DDB2: variants seen among roughly 807,000 people sequenced by gnomAD.
DDB2 encodes the protein DNA damage-binding protein 2.
A neutral mutation model predicts 50.5 loss-of-function variants in DDB2; 27 were observed. The ratio of observed to expected loss-of-function variants is 0.53; its 90% CI spans 0.39 to 0.74. DDB2 has a LOEUF of 0.74. Ranked by LOEUF, DDB2 falls within the 30% of genes least tolerant of loss-of-function variation. The pLI, the probability that DDB2 is intolerant of heterozygous loss-of-function variation, is 0.00. For synonymous variants in DDB2, 176 were observed against 205.5 expected, an observed-to-expected ratio of 0.86 and a Z score of 1.23; for missense variants, 424 against 545.6, an observed-to-expected ratio of 0.78 and a Z score of 2.22.
At chr11:47,229,006 T>TATCTATCTATCTATCC (rs1439885025) in intron 3 of DDB2, among the ~76,000 whole-genome samples, 1 of 150,198 alleles carries the variant, frequency 6.7e-6, no homozygotes, top group East Asian at 2.0e-4. Context: ...TCTATCTATC[T>TATCTATCTATCTATCC]ATCTATCTAT....
intron 3 of DDB2, among the ~76,000 whole-genome samples, chr11:47,217,816 G>A (rs1953423364): frequency 1.3e-5 from 2 of 151,990 alleles, no homozygotes; most frequent in Admixed American, 6.6e-5. Flanking sequence ...GCTTGAACCC[G>A]GGAGGCGAAG....
At chr11:47,216,181 G>A in intron 1 of DDB2, 155 bp from the exon 2 acceptor site, 1 of 1,091,198 alleles carries the variant, frequency 9.2e-7, no homozygotes, top group Non-Finnish European at 1.4e-6. Context: ...TTTTATTTCT[G>A]GTGCTCGTTG....
chr11:47,235,637 G>T, intron 7 of DDB2: 1 of 594,054 alleles, frequency 1.7e-6, no homozygotes, highest in Non-Finnish European at 3.0e-6. Context: ...ATATTTTTCT[G>T]AGTTTTTTCA....
rs185380045 is a variant in DDB2 at position 47,237,938 on chromosome 11, C to T, written c.1125C>T (p.Phe375=). ...TPYELRTIDV[F]DGNSGKMMCQ... ...ATGAATTGAGGACGATCGACGTGTT[C>T]GATGGAAACTCAGGGAAGATGATGT... Residue 375 remains phenylalanine (F), a synonymous_variant, in exon 8 of 10, where the codon TTC becomes TTT. Transcript: ENST00000256996. The T allele has an allele frequency of 2.4e-5, 39 of 1,614,114 alleles. No individual in the cohort carries two copies. The Admixed American group carries it at 3.5e-4, about 14-fold the overall frequency.
At position 47,234,552 on chromosome 11, in the gene DDB2, C is replaced by A. The variant is rs534896311; in HGVS notation, c.603-21C>A. 5.6e-6 allele frequency: 9 copies of A among 1,603,938 alleles called. No homozygotes were observed. The African/African-American group carries it at 1.1e-4, about 19-fold the overall frequency. The stretch of plus-strand genomic sequence containing the variant: ...ACTATCTCTGTCCCCAAGAATCTTA[C>A]AACACAGTCTCTCCCTCCAGCATCT... On this transcript the variant is annotated intron_variant, in intron 4 of 9. Transcript: ENST00000256996.
chr11:47,237,881 C>G lies in DDB2; in HGVS notation c.1068C>G (p.Tyr356Ter), dbSNP rs755370586. The change falls in exon 8 of 10, where the codon TAC (tyrosine) becomes TAG (stop). Residue 356 changes from tyrosine (Y) to a stop codon, truncating the protein, a stop_gained. Coordinates refer to ENST00000256996, the MANE Select transcript of DDB2 (RefSeq NM_000107.3). LOFTEE classifies it high-confidence loss of function. ...ACAACCTCATTGTTGTGGGCCGATACCCAGATCCTAATTTCAAAAGTTGTA... is the reference window on the plus strand; with the variant it reads ...ACAACCTCATTGTTGTGGGCCGATAGCCAGATCCTAATTTCAAAAGTTGTA... ...PRYNLIVVGR[Y>*]PDPNFKSCTP... 2 of 1,614,114 alleles carry G rather than the reference C, an allele frequency of 1.2e-6. No individual in the cohort carries two copies. The highest frequency in any genetic ancestry group is 4.5e-5 in the East Asian group (2 of 44,886).
chr11:47,216,072 G>A (rs1953396223), intron 1 of DDB2: 1 of 564,800 alleles, frequency 1.8e-6, no homozygotes, highest in Non-Finnish European at 3.2e-6. Flanking sequence ...TGTTTCTTTG[G>A]CTGGGGTCTC....
rs3740682 is a variant in DDB2 at position 47,216,698 on chromosome 11, T to A, written c.265-160T>A. Reference sequence around the variant, plus strand: ...CCCTTTTGCTTTCCAAGATTATTCGTTCGTGTACATTGCAAATATTTTCAT... The same window carrying A: ...CCCTTTTGCTTTCCAAGATTATTCGATCGTGTACATTGCAAATATTTTCAT... On this transcript the variant is annotated intron_variant, in intron 2 of 9. Transcript: ENST00000256996. Among the ~76,000 whole-genome samples the A allele has an allele frequency of 1.2e-3, 182 of 152,314 alleles. 2 individuals carry two copies. In the East Asian group the frequency reaches 0.032, roughly 27 times the overall value.
rs10708891 is a variant in DDB2, at chr11:47,225,254, T to TA, written c.457-7543dup. ...TGCTCCTGGCCCGATCCTGTGTCTTTAAAAAAAAAAAAAAAAACTCTAACA... is the reference window on the plus strand; with the variant it reads ...TGCTCCTGGCCCGATCCTGTGTCTTTAAAAAAAAAAAAAAAAAACTCTAACA... On this transcript the variant is annotated intron_variant, in intron 3 of 9. Transcript: ENST00000256996. 7.5e-4 allele frequency among the ~76,000 whole-genome samples: 102 copies of TA among 136,354 alleles called. 1 individual carries two copies. The highest frequency in any genetic ancestry group is 2.1e-3 in the East Asian group (9 of 4,336). 89.5% of individuals were successfully genotyped at this position (136,354 alleles called of 152,430 possible).
intron 4 of DDB2, 198 bp downstream of exon 4, chr11:47,233,157 G>C: frequency 1.5e-6 from 1 of 664,896 alleles, no homozygotes; most frequent in South Asian, 1.7e-5. Context: ...ACTGCTTTGG[G>C]AAGGTGTTCT....
chr11:47,236,532 C>T (rs371788427), intron 7 of DDB2, among the ~76,000 whole-genome samples: 10 of 152,138 alleles, frequency 6.6e-5, no homozygotes, highest in East Asian at 5.8e-4. Context: ...GCAGCCAGAC[C>T]CCCCGGGTTA....
chr11:47,237,294 A>G (rs1953738475), intron 7 of DDB2, among the ~76,000 whole-genome samples: 1 of 152,198 alleles, frequency 6.6e-6, no homozygotes, highest in Admixed American at 6.6e-5. Flanking sequence ...AGAAGGCCTG[A>G]AGGTGCCCTA....
In DDB2 at chr11:47,215,036, C is replaced by T. The variant is rs1953379864; in HGVS notation, c.-101C>T. On this transcript the variant is annotated 5_prime_UTR_variant, in exon 1 of 10. Transcript: ENST00000256996. ...GGCTTAGCTCGGCTACCTGTGGCCC[C>T]GCAGTTTTGTAGTCCCCGCCTTGTT... 6.4e-7 allele frequency: 1 copy of T among 1,574,712 alleles called. No homozygotes were observed. Among genetic ancestry groups the T allele is most frequent in the Non-Finnish European group, 8.7e-7 (1 of 1,147,330 alleles).
intron 7 of DDB2, chr11:47,235,796 A>C: frequency 4.3e-6 from 1 of 232,452 alleles, no homozygotes; most frequent in Non-Finnish European, 8.5e-6. Context: ...TCGCTCTGTC[A>C]CCCAGGTGGG....
intron 7 of DDB2, 181 bp from the exon 8 acceptor site, chr11:47,237,656 C>T (rs1385858216): frequency 4.7e-6 from 3 of 632,330 alleles, no homozygotes; most frequent in Non-Finnish European, 5.7e-6. Context: ...AGGATGGTCT[C>T]GATCTCCTGA....
At chr11:47,230,898 A>G (rs911512588) in intron 3 of DDB2, among the ~76,000 whole-genome samples, 3 of 152,164 alleles carry the variant, frequency 2.0e-5, no homozygotes, top group African/African-American at 7.2e-5. Flanking sequence ...AGGCAGGCCA[A>G]TCACCTGAGG....
chr11:47,235,581 C>A (rs1384431274), intron 7 of DDB2, 169 bp downstream of exon 7: 1 of 679,906 alleles, frequency 1.5e-6, no homozygotes, highest in East Asian at 2.7e-5. Context: ...CCTTTTATCC[C>A]ACTTCTGCCA....
Position 47,237,871 on chromosome 11 carries a change from T to G in DDB2, c.1058T>G (p.Val353Gly). Reference protein sequence around the residue: ...AWHPRYNLIVVGRYPDPNFKS... With the variant: ...AWHPRYNLIVGGRYPDPNFKS... The stretch of plus-strand genomic sequence containing the variant: ...CATCCTCGCTACAACCTCATTGTTG[T>G]GGGCCGATACCCAGATCCTAATTTC... The change falls in exon 8 of 10, where the codon GTG becomes GGG. Residue 353 changes from valine (V) to glycine (G), a missense_variant. Val to Gly is a moderately radical substitution (Grantham distance 109, BLOSUM62 -3). Transcript: ENST00000256996. 6.2e-7 allele frequency: 1 copy of G among 1,614,192 alleles called. No individual in the cohort carries two copies. Among genetic ancestry groups the G allele is most frequent in the South Asian group, 1.1e-5 (1 of 91,086 alleles).
Position 47,216,582 on chromosome 11 carries a change from A to G in DDB2, c.264+110A>G, listed in dbSNP as rs185687113. ...TTCACCAGCTTGTCAGAGTGGTCCG[A>G]TCACCCAGACTGTGGTGACTGGCCT... On this transcript the variant is annotated intron_variant, in intron 2 of 9. Coordinates refer to ENST00000256996, the MANE Select transcript of DDB2 (RefSeq NM_000107.3). 4.6e-4 allele frequency: 688 copies of G among 1,501,370 alleles called. 11 individuals carry two copies. In the South Asian group the frequency reaches 5.6e-3, roughly 12 times the overall value. The allele number at this position is 1,501,370 out of a possible 1,614,324, so 93.0% of individuals were successfully genotyped here. A position where few individuals can be genotyped will look rare whatever the true frequency, so the allele number is the denominator to read the frequency against.
Sources: gnomAD v4.1 joint callset for allele counts (sites outside exome capture counted in the v4.1 genomes callset) on GRCh38, gnomAD v4.1.1 for gene constraint, MANE v1.5 for transcripts, NCBI Gene and HGNC (gene_info 2026-07-23, HGNC 2026-07-21) for gene names.